TRIM2: variants seen among roughly 807,000 people sequenced by gnomAD.
TRIM2 encodes tripartite motif containing 2.
In TRIM2, 20 loss-of-function variants were observed where a neutral mutation model predicts 75.2. The ratio of observed to expected loss-of-function variants is 0.27; its 90% CI spans 0.19 to 0.39. TRIM2 has a LOEUF of 0.39. TRIM2 is among the 10% of genes least tolerant of loss of function. TRIM2 has a pLI of 1.00. For missense variants in TRIM2, 660 were observed against 990.8 expected, an observed-to-expected ratio of 0.67 and a Z score of 4.48; for synonymous variants, 373 against 388.3, an observed-to-expected ratio of 0.96 and a Z score of 0.46.
intron 3 of TRIM2, among the ~76,000 whole-genome samples, chr4:153,285,560 C>A (rs1760422136): frequency 6.6e-6 from 1 of 152,118 alleles, no homozygotes. Context: ...TTGGGGCAAG[C>A]AATCCTCCTG....
chr4:153,263,013 G>C (rs1219544942), intron 1 of TRIM2, among the ~76,000 whole-genome samples: 1 of 152,168 alleles, frequency 6.6e-6, no homozygotes, highest in Non-Finnish European at 1.5e-5. Context: ...TCTGGATGAT[G>C]GTTTATGTTG....
intron 1 of TRIM2, among the ~76,000 whole-genome samples, chr4:153,188,928 C>A (rs1219126229): frequency 6.6e-6 from 1 of 152,028 alleles, no homozygotes; most frequent in Non-Finnish European, 1.5e-5. Flanking sequence ...ATAACCTGGC[C>A]CCTGCTTACC....
chr4:153,295,577 G>A lies in TRIM2; in HGVS notation c.1051G>A (p.Val351Ile), dbSNP rs748530655. 17 of 1,613,414 alleles carry A rather than the reference G, an allele frequency of 1.1e-5. No individual in the cohort carries two copies. The highest frequency in any genetic ancestry group is 2.2e-5 in the East Asian group (1 of 44,852). ...NLGTILTTNA[V>I]ASETVATGEG... ...CGGGACGATCTTAACCACCAACGCC[G>A]TTGCCTCAGAGACAGTGGCCACGGG... Residue 351 changes from valine to isoleucine, a missense_variant, in exon 6 of 12, where the codon GTT becomes ATT. Physicochemically the swap from Val to Ile is conservative, Grantham distance 29. This residue lies in a region of TRIM2 where 620 missense variants were observed against 891.0 expected (regional missense o/e 0.70). Coordinates refer to ENST00000338700, the MANE Select transcript of TRIM2 (RefSeq NM_015271.5). The surrounding 1 kb of genome is among the most constrained non-coding windows in gnomAD (Gnocchi z 7.2).
chr4:153,324,366 A>G (rs572043079), intron 10 of TRIM2: 2 of 352,788 alleles, frequency 5.7e-6, no homozygotes, highest in Middle Eastern at 1.4e-3. Context: ...GCTTAATTTG[A>G]AACTGGTGCA....
At chr4:153,244,412 T>C (rs1244443813) in intron 1 of TRIM2, among the ~76,000 whole-genome samples, 14 of 92,042 alleles carry the variant, frequency 1.5e-4, no homozygotes, top group Admixed American at 2.4e-4. Flanking sequence ...CTTCTTCTTC[T>C]TCTTCTTCTT....
chr4:153,269,330 G>A (rs1188898236), intron 1 of TRIM2, among the ~76,000 whole-genome samples: 1 of 152,178 alleles, frequency 6.6e-6, no homozygotes, highest in Non-Finnish European at 1.5e-5. Flanking sequence ...GGTAGATAAG[G>A]TTTGTTTAGT....
intron 1 of TRIM2, among the ~76,000 whole-genome samples, chr4:153,197,742 G>A (rs1441655236): frequency 2.0e-5 from 3 of 152,062 alleles, no homozygotes; most frequent in Non-Finnish European, 2.9e-5. Flanking sequence ...GTGTGGTGAC[G>A]GGCGCCTGTA....
chr4:153,293,048 G>A lies in TRIM2; in HGVS notation c.520G>A (p.Ala174Thr), dbSNP rs200706275. ...MCRECTEGEHAEHPTVPLKDV... is the reference protein window; with the variant it reads ...MCRECTEGEHTEHPTVPLKDV... ...TCGGGAGTGCACGGAGGGGGAGCACGCAGAGCACCCCACAGTTCCACTCAA... is the reference window on the plus strand; with the variant it reads ...TCGGGAGTGCACGGAGGGGGAGCACACAGAGCACCCCACAGTTCCACTCAA... The change falls in exon 4 of 12, where the codon GCA (alanine) becomes ACA (threonine). Residue 174 changes from alanine to threonine, a missense_variant. Around this residue, in one of 2 missense-constraint regions of TRIM2, gnomAD observed 620 missense variants for 891.0 expected, o/e 0.70. Transcript: ENST00000338700. The A allele has an allele frequency of 1.2e-4, 200 of 1,613,656 alleles. No individual in the cohort carries two copies. Among genetic ancestry groups the A allele is most frequent in the Non-Finnish European group, 1.3e-4 (150 of 1,179,676 alleles).
chr4:153,169,361 T>C (rs1244470259), intron 1 of TRIM2, among the ~76,000 whole-genome samples: 1 of 152,238 alleles, frequency 6.6e-6, no homozygotes, highest in African/African-American at 2.4e-5. Flanking sequence ...ATGTACACAT[T>C]GAACCTATCC....
At chr4:153,317,178 C>T (rs1032428018) in intron 8 of TRIM2, among the ~76,000 whole-genome samples, 8 of 150,880 alleles carry the variant, frequency 5.3e-5, no homozygotes, top group African/African-American at 1.9e-4. Flanking sequence ...CCACGCCTGG[C>T]CGCATTATGC....
intron 1 of TRIM2, among the ~76,000 whole-genome samples, chr4:153,233,898 T>C (rs1744320701): frequency 6.6e-6 from 1 of 152,214 alleles, no homozygotes; most frequent in African/African-American, 2.4e-5. Context: ...CCTGTTGCAA[T>C]CACTGTTTGC....
chr4:153,202,565 G>A (rs1054442611), upstream of TRIM2, among the ~76,000 whole-genome samples: 19 of 151,954 alleles, frequency 1.3e-4, no homozygotes, highest in Admixed American at 2.0e-4. Flanking sequence ...CGGGCATGGC[G>A]GCATGCGCCT....
At chr4:153,262,112 T>C (rs974173515) in intron 1 of TRIM2, among the ~76,000 whole-genome samples, 1 of 152,140 alleles carries the variant, frequency 6.6e-6, no homozygotes, top group South Asian at 2.1e-4. Context: ...TTTTCATGCA[T>C]ATGTGTCTGT....
chr4:153,170,646 T>C (rs1402015585), intron 1 of TRIM2, among the ~76,000 whole-genome samples: 1 of 152,148 alleles, frequency 6.6e-6, no homozygotes, highest in African/African-American at 2.4e-5. Context: ...CTTTTACTCC[T>C]CTTGGGAAAT....
At chr4:153,161,942 A>T (rs73854373) in intron 1 of TRIM2, among the ~76,000 whole-genome samples, 2,620 of 152,346 alleles carry the variant, frequency 0.017, 87 homozygotes, top group African/African-American at 0.06. Flanking sequence ...AAATATGGCC[A>T]GACTCTGATT....
At chr4:153,182,530 A>C (rs569624757) in intron 1 of TRIM2, among the ~76,000 whole-genome samples, 1 of 152,316 alleles carries the variant, frequency 6.6e-6, no homozygotes, top group South Asian at 2.1e-4. Context: ...GATTGTTATT[A>C]GGGCTAAGTG....
chr4:153,215,977 A>G (rs1011098472), intron 1 of TRIM2, among the ~76,000 whole-genome samples: 2 of 152,176 alleles, frequency 1.3e-5, no homozygotes, highest in African/African-American at 4.8e-5. Context: ...TTGTTGGTTT[A>G]TGCAAATGAG....
rs1318607715 is a variant in TRIM2, at chr4:153,337,947, C to G, written c.*2981C>G. 9.1e-6 allele frequency: 9 copies of G among 985,654 alleles called. No individual in the cohort carries two copies. In the East Asian group the frequency reaches 1.0e-3, roughly 112 times the overall value. 61.1% of individuals were successfully genotyped at this position (985,654 alleles called of 1,614,324 possible). On this transcript the variant is annotated 3_prime_UTR_variant, in exon 12 of 12. Transcript: ENST00000338700. ...ATGGGGAGGCAGAGAGTCACTTGAC[C>G]ATCCAGAAATACATGACTACAAGTC...
At chr4:153,290,085 C>T (rs1305532256) in intron 3 of TRIM2, among the ~76,000 whole-genome samples, 5 of 152,178 alleles carry the variant, frequency 3.3e-5, no homozygotes, top group Non-Finnish European at 5.9e-5. Context: ...AGTAAACCAC[C>T]TCTGGCTGAA....
Sources: gnomAD v4.1 joint callset for allele counts (sites outside exome capture counted in the v4.1 genomes callset) on GRCh38, gnomAD v4.1.1 for gene constraint, gnomAD v4.1.1 regional missense constraint, Gnocchi (gnomAD v3.1) non-coding constraint, MANE v1.5 for transcripts, NCBI Gene and HGNC (gene_info 2026-07-23, HGNC 2026-07-21) for gene names.